STARD13: variants seen among roughly 807,000 people sequenced by gnomAD.
STARD13 encodes the protein StAR related lipid transfer domain containing 13.
In STARD13, 62 loss-of-function variants were observed where a neutral mutation model predicts 106.4. That is an observed-to-expected ratio of 0.58 (90% CI 0.48 to 0.72). The LOEUF (loss-of-function observed/expected upper bound fraction) is 0.72, where lower values mean the gene tolerates loss of function less well. Among genes scored for constraint, STARD13 ranks in the 30% least tolerant of loss-of-function variants. The pLI, the probability that STARD13 is intolerant of heterozygous loss-of-function variation, is 0.00. For missense variants in STARD13, 1,387 were observed against 1,424.0 expected (o/e 0.97, Z 0.42); for synonymous variants, 565 against 553.0 (o/e 1.02, Z -0.31).
rs143362957 is a variant in STARD13 at position 33,195,768 on chromosome 13, T to C, written c.170-28146A>G. Reference sequence around the variant, plus strand: ...AGGAAGGAAGATGGGAAAGATCATATGTTTCAAATCTGTCTCTCTTTCTTA... The same window carrying C: ...AGGAAGGAAGATGGGAAAGATCATACGTTTCAAATCTGTCTCTCTTTCTTA... On this transcript the variant is annotated intron_variant, in intron 1 of 13. Coordinates refer to ENST00000336934, the MANE Select transcript of STARD13 (RefSeq NM_178006.4). Among the ~76,000 whole-genome samples the C allele has an allele frequency of 1.1e-3, 171 of 152,290 alleles. 1 individual carries two copies. The East Asian group carries it at 0.024, about 21-fold the overall frequency.
At chr13:33,581,390 A>C in the STARD13 span, among the ~76,000 whole-genome samples, 1 of 152,182 alleles carries the variant, frequency 6.6e-6, no homozygotes, top group Non-Finnish European at 1.5e-5. Flanking sequence ...AGTGGGCCCA[A>C]GATCAACTCT....
At chr13:33,186,388 A>T (rs1199508425) in intron 1 of STARD13, among the ~76,000 whole-genome samples, 3 of 152,232 alleles carry the variant, frequency 2.0e-5, no homozygotes, top group Non-Finnish European at 4.4e-5. Flanking sequence ...CTCGTAAAGA[A>T]ACAGTGCGAT....
At chr13:33,420,629 A>G in the STARD13 span, among the ~76,000 whole-genome samples, 11,752 of 152,236 alleles carry the variant, frequency 0.077, 1,381 homozygotes, top group African/African-American at 0.26. Context: ...AGAACTCTCC[A>G]TCCCAAATCA....
At chr13:33,422,794 A>G in the STARD13 span, among the ~76,000 whole-genome samples, 1 of 152,164 alleles carries the variant, frequency 6.6e-6, no homozygotes, top group South Asian at 2.1e-4. Context: ...AACACCACAC[A>G]TCTACAACCA....
chr13:33,225,798 T>C (rs1420030372), intron 1 of STARD13, among the ~76,000 whole-genome samples: 2 of 152,212 alleles, frequency 1.3e-5, no homozygotes, highest in African/African-American at 2.4e-5. Flanking sequence ...TTCCTTCTAA[T>C]AGTAACATTT....
the STARD13 span, among the ~76,000 whole-genome samples, chr13:33,548,239 A>C: frequency 6.6e-6 from 1 of 152,256 alleles, no homozygotes; most frequent in South Asian, 2.1e-4. Flanking sequence ...TTTTTGGAGG[A>C]AGAAAACAGA....
the STARD13 span, among the ~76,000 whole-genome samples, chr13:33,451,686 A>G: frequency 6.6e-6 from 1 of 152,230 alleles, no homozygotes; most frequent in African/African-American, 2.4e-5. Flanking sequence ...TAGCTGTAAA[A>G]GACGCTGAGA....
chr13:33,160,967 T>C (rs1253823395), intron 3 of STARD13, among the ~76,000 whole-genome samples: 4 of 152,214 alleles, frequency 2.6e-5, no homozygotes, highest in African/African-American at 9.6e-5. Context: ...AACTTGAATA[T>C]GAATGTTTAG....
intron 1 of STARD13, among the ~76,000 whole-genome samples, chr13:33,298,089 T>C (rs1399656397): frequency 6.6e-6 from 1 of 151,036 alleles, no homozygotes; most frequent in East Asian, 1.9e-4. Context: ...TACTTGTGTC[T>C]CTATGTCTAG....
At chr13:33,359,619 C>T in the STARD13 span, 1 of 153,084 alleles carries the variant, frequency 6.5e-6, no homozygotes, top group African/African-American at 2.4e-5. Flanking sequence ...AAGCTGAGAT[C>T]ATGCCATTGC....
In STARD13 at chr13:33,130,622, G is replaced by A. The variant is rs921498455; in HGVS notation, c.388-333C>T. Among the ~76,000 whole-genome samples the A allele has an allele frequency of 6.6e-6, 1 of 152,104 alleles. No homozygotes were observed. The highest frequency in any genetic ancestry group is 6.5e-5 in the Admixed American group (1 of 15,274). The stretch of plus-strand genomic sequence containing the variant: ...AGGGTATAATTACATCAGACTAGAC[G>A]GTCTAAATATAAAGCACCTGCAGTC... On this transcript the variant is annotated intron_variant, in intron 4 of 13. Coordinates refer to ENST00000336934, the MANE Select transcript of STARD13 (RefSeq NM_178006.4). The surrounding 1 kb of genome is among the most constrained non-coding windows in gnomAD (Gnocchi z 4.1).
the STARD13 span, among the ~76,000 whole-genome samples, chr13:33,532,913 C>T: frequency 1.6e-4 from 25 of 152,066 alleles, no homozygotes; most frequent in African/African-American, 5.8e-4. Flanking sequence ...CAGATGGGCA[C>T]CTTCCAGGTG....
upstream of STARD13, chr13:33,355,188 T>C (rs2078113547): frequency 6.6e-6 from 1 of 152,194 alleles, no homozygotes; most frequent in African/African-American, 2.4e-5. Flanking sequence ...ATAAGACCCA[T>C]CACCATTGCC....
At position 33,140,627 on chromosome 13, in the gene STARD13, T is replaced by TC. The variant is rs371644359; in HGVS notation, c.387+1682_387+1683insG. 1.1e-3 allele frequency among the ~76,000 whole-genome samples: 169 copies of TC among 151,516 alleles called. 1 individual carries two copies. Among genetic ancestry groups the TC allele is most frequent in the African/African-American group, 3.8e-3 (156 of 41,384 alleles). Reference sequence around the variant, plus strand: ...GTCCACTAAAATTCATTTGATCTTCTTTTTTTTTGGTGTTATTTTACAGCA... The same window carrying TC: ...GTCCACTAAAATTCATTTGATCTTCTCTTTTTTTTGGTGTTATTTTACAGCA... On this transcript the variant is annotated intron_variant, in intron 4 of 13. Coordinates refer to ENST00000336934, the MANE Select transcript of STARD13 (RefSeq NM_178006.4).
the STARD13 span, among the ~76,000 whole-genome samples, chr13:33,448,794 C>T: frequency 2.0e-5 from 3 of 152,134 alleles, no homozygotes; most frequent in Non-Finnish European, 1.5e-5. Context: ...TGATAATAGT[C>T]ATTCTAACCA....
the STARD13 span, among the ~76,000 whole-genome samples, chr13:33,366,460 C>T: frequency 6.6e-6 from 1 of 152,186 alleles, no homozygotes; most frequent in East Asian, 1.9e-4. The surrounding 1 kb of genome is among the most constrained non-coding windows in gnomAD (Gnocchi z 4.2). Flanking sequence ...CTTCATCTTC[C>T]TGTTTCTAAC....
chr13:33,275,905 A>C (rs1427123253), intron 1 of STARD13: 2 of 152,278 alleles, frequency 1.3e-5, no homozygotes, highest in Admixed American at 6.5e-5. Context: ...TGCTCCAGGC[A>C]ACTCCAATGG....
At chr13:33,296,704 C>T (rs759123505) in intron 1 of STARD13, among the ~76,000 whole-genome samples, 3 of 152,120 alleles carry the variant, frequency 2.0e-5, no homozygotes, top group African/African-American at 4.8e-5. Flanking sequence ...CTGCAACCTC[C>T]GCCTCCCAGA....
At chr13:33,307,270 C>A (rs984998993) in intron 1 of STARD13, among the ~76,000 whole-genome samples, 1 of 152,178 alleles carries the variant, frequency 6.6e-6, no homozygotes, top group Non-Finnish European at 1.5e-5. Flanking sequence ...GACCTAAAAG[C>A]AGAACTACCA....
Sources: allele counts gnomAD v4.1 joint callset (sites outside exome capture counted in the v4.1 genomes callset), GRCh38; gene constraint gnomAD v4.1.1; non-coding constraint Gnocchi (gnomAD v3.1); transcripts MANE v1.5; gene names NCBI Gene and HGNC (gene_info 2026-07-23, HGNC 2026-07-21).